The following TMEM131L variants were observed in gnomAD, a reference collection of about 807,000 sequenced individuals.
The protein encoded by TMEM131L is transmembrane protein 131-like.
A neutral mutation model predicts 192.2 loss-of-function variants in TMEM131L; 54 were observed. That is an observed-to-expected ratio of 0.28 (90% CI 0.23 to 0.35). TMEM131L has a LOEUF of 0.35. Ranked by LOEUF, TMEM131L falls within the 10% of genes least tolerant of loss-of-function variation. The pLI is 1.00. For synonymous variants in TMEM131L, 701 were observed against 704.9 expected (o/e 0.99, Z 0.09); for missense variants, 1,888 against 1,972.9 (o/e 0.96, Z 0.82).
At chr4:153,601,448 G>C (rs1453842046) in intron 21 of TMEM131L, among the ~76,000 whole-genome samples, 1 of 151,906 alleles carries the variant, frequency 6.6e-6, no homozygotes, top group East Asian at 1.9e-4. Flanking sequence ...GATTGTTGGA[G>C]TCCAGGAGTT....
intron 4 of TMEM131L, among the ~76,000 whole-genome samples, chr4:153,553,891 CTT>C (rs1737816515): frequency 1.3e-5 from 2 of 152,154 alleles, no homozygotes; most frequent in South Asian, 2.1e-4. Context: ...CCTCATAACA[CTT>C]TTAAAAATAG....
At chr4:153,606,828 CT>C (rs1257296112) in intron 25 of TMEM131L, among the ~76,000 whole-genome samples, 1 of 152,194 alleles carries the variant, frequency 6.6e-6, no homozygotes, top group Non-Finnish European at 1.5e-5. Context: ...GAGGAAAGAA[CT>C]TTTGCTTTCC....
At chr4:153,603,482 G>A (rs538448044) in intron 24 of TMEM131L, 30 bp downstream of exon 24, 100 of 1,584,564 alleles carry the variant, frequency 6.3e-5, no homozygotes, top group South Asian at 5.9e-4. Context: ...GGTTGGGAGC[G>A]GGGGCGGTTT....
At chr4:153,619,127 A>C (rs1013815411) in intron 26 of TMEM131L, among the ~76,000 whole-genome samples, 2 of 152,148 alleles carry the variant, frequency 1.3e-5, no homozygotes, top group African/African-American at 4.8e-5. Context: ...TTCCAACCAG[A>C]TGGATTTGAG....
intron 7 of TMEM131L, among the ~76,000 whole-genome samples, chr4:153,572,007 A>G (rs1561202520): frequency 6.6e-6 from 1 of 151,598 alleles, no homozygotes; most frequent in African/African-American, 2.4e-5. Context: ...CTCTTTTTAT[A>G]TCTGTTTAAC....
At chr4:153,533,572 A>G (rs142588874) in intron 3 of TMEM131L, among the ~76,000 whole-genome samples, 8 of 152,326 alleles carry the variant, frequency 5.3e-5, no homozygotes, top group South Asian at 4.1e-4. Flanking sequence ...GCTGATTCAG[A>G]TGGTTAGTCA....
chr4:153,523,159 A>G (rs1205896597), intron 3 of TMEM131L, among the ~76,000 whole-genome samples: 1 of 152,220 alleles, frequency 6.6e-6, no homozygotes. Flanking sequence ...TTAGAATTTT[A>G]TGTTAGAATA....
At chr4:153,508,731 A>T (rs1169665804) in intron 3 of TMEM131L, among the ~76,000 whole-genome samples, 1 of 150,190 alleles carries the variant, frequency 6.7e-6, no homozygotes. Context: ...AGTGGCCTCA[A>T]CCTCCTGGGA....
At chr4:153,562,084 C>G (rs1185988843) in intron 7 of TMEM131L, among the ~76,000 whole-genome samples, 1 of 149,998 alleles carries the variant, frequency 6.7e-6, no homozygotes, top group Non-Finnish European at 1.5e-5. Context: ...ATTGCCTAGG[C>G]TAGAGTGCAG....
intron 3 of TMEM131L, among the ~76,000 whole-genome samples, chr4:153,514,156 T>A (rs1340189561): frequency 1.3e-5 from 2 of 152,206 alleles, no homozygotes; most frequent in East Asian, 3.8e-4. Context: ...CCGTAGCCAA[T>A]TAATCTTTGC....
chr4:153,479,671 C>G (rs531455752), intron 3 of TMEM131L, among the ~76,000 whole-genome samples: 2 of 151,990 alleles, frequency 1.3e-5, no homozygotes, highest in African/African-American at 4.8e-5. Flanking sequence ...TTAAAATGTA[C>G]TTTTATCTGA....
chr4:153,617,302 T>C (rs1449381712), intron 26 of TMEM131L, among the ~76,000 whole-genome samples: 1 of 152,204 alleles, frequency 6.6e-6, no homozygotes, highest in African/African-American at 2.4e-5. Flanking sequence ...TAAACCTCTT[T>C]CTTTTGTAAA....
chr4:153,499,153 G>C (rs1231352379), intron 3 of TMEM131L, among the ~76,000 whole-genome samples: 3 of 152,232 alleles, frequency 2.0e-5, no homozygotes, highest in African/African-American at 7.2e-5. Flanking sequence ...GATGGGCCAG[G>C]CCTGAACTAA....
At chr4:153,566,459 A>G (rs1194233158) in intron 7 of TMEM131L, among the ~76,000 whole-genome samples, 1 of 152,084 alleles carries the variant, frequency 6.6e-6, no homozygotes, top group Admixed American at 6.5e-5. Context: ...AAGTTAGAGG[A>G]AAACCCTGAC....
chr4:153,482,126 A>G (rs1443864568), intron 3 of TMEM131L, among the ~76,000 whole-genome samples: 1 of 152,142 alleles, frequency 6.6e-6, no homozygotes, highest in Non-Finnish European at 1.5e-5. Context: ...TTACAGGTGT[A>G]CACCACCGTG....
rs140734056 is a variant in TMEM131L, at chr4:153,623,061, C to T, written c.4023C>T (p.Asp1341=). 541 of 1,609,114 alleles carry T rather than the reference C, an allele frequency of 3.4e-4. 3 individuals carry two copies. In the African/African-American group the frequency reaches 4.7e-3, roughly 14 times the overall value. The change falls in exon 29 of 35, where the codon GAC becomes GAT. Residue 1341 remains aspartate, a synonymous_variant. Coordinates refer to ENST00000409959, the MANE Select transcript of TMEM131L (RefSeq NM_001131007.2). Reference sequence around the variant, plus strand: ...ACGGGGATAAGAAGCCCATGGTGGACGCCCAGCACTTCCTGCCGGCCGGTG... The same window carrying T: ...ACGGGGATAAGAAGCCCATGGTGGATGCCCAGCACTTCCTGCCGGCCGGTG... ...SSDGDKKPMV[D]AQHFLPAGDS... is the part of the protein sequence containing the mutation.
At chr4:153,486,942 C>G (rs77404512) in intron 3 of TMEM131L, among the ~76,000 whole-genome samples, 1 of 152,168 alleles carries the variant, frequency 6.6e-6, no homozygotes, top group Non-Finnish European at 1.5e-5. Context: ...CTGAGCTCAG[C>G]GAGAAATGAG....
chr4:153,605,287 A>G (rs1732144042), intron 25 of TMEM131L, among the ~76,000 whole-genome samples: 1 of 152,202 alleles, frequency 6.6e-6, no homozygotes, highest in Admixed American at 6.5e-5. Context: ...CCTCTAGCAT[A>G]AGGGCCTGTG....
At position 153,523,839 on chromosome 4, in the gene TMEM131L, G is replaced by A. The variant is rs78696564; in HGVS notation, c.240-26234G>A. 4.9e-3 allele frequency among the ~76,000 whole-genome samples: 743 copies of A among 152,282 alleles called. 8 individuals are homozygous for A. Among genetic ancestry groups the A allele is most frequent in the African/African-American group, 0.017 (701 of 41,566 alleles). The stretch of plus-strand genomic sequence containing the variant: ...TGCAGTCAGGCTGATAGATTACATA[G>A]CAAGTTGTATTTTGTTTTGTACCCC... On this transcript the variant is annotated intron_variant, in intron 3 of 34. Coordinates refer to ENST00000409959, the MANE Select transcript of TMEM131L (RefSeq NM_001131007.2).
Sources: gnomAD v4.1 joint callset for allele counts (sites outside exome capture counted in the v4.1 genomes callset) on GRCh38, gnomAD v4.1.1 for gene constraint, MANE v1.5 for transcripts, NCBI Gene and HGNC (gene_info 2026-07-23, HGNC 2026-07-21) for gene names.